Variants in PRTG observed in about 807,000 individuals in gnomAD.
PRTG encodes immunoglobulin superfamily, DCC subclass, member 5.
A neutral mutation model predicts 122.5 loss-of-function variants in PRTG; 67 were observed. That is an observed-to-expected ratio of 0.55 (90% CI 0.45 to 0.67). PRTG has a LOEUF of 0.67. Ranked by LOEUF, PRTG falls within the 30% of genes least tolerant of loss-of-function variation. The probability of loss-of-function intolerance (pLI) is 0.00; values close to 1 mark genes in which losing one functional copy is unlikely to be tolerated. For synonymous variants in PRTG, 554 were observed against 501.1 expected (o/e 1.11, Z -1.41); for missense variants, 1,435 against 1,415.4 (o/e 1.01, Z -0.22).
intron 15 of PRTG, among the ~76,000 whole-genome samples, chr15:55,634,116 G>A (rs2059243312): frequency 6.9e-6 from 1 of 144,898 alleles, no homozygotes; most frequent in Admixed American, 7.0e-5. Flanking sequence ...TGACCAGGCT[G>A]GAGTGCAATG....
At position 55,618,702 on chromosome 15, in the gene PRTG, G is replaced by A. The variant is rs1041172283; in HGVS notation, c.*1310C>T. 1 of 152,076 alleles carries A rather than the reference G, an allele frequency of 6.6e-6. No individual in the cohort carries two copies. The highest frequency in any genetic ancestry group is 6.6e-5 in the Admixed American group (1 of 15,264). The allele number at this position is 152,076 out of a possible 1,614,324, so 9.4% of individuals were successfully genotyped here. On this transcript the variant is annotated 3_prime_UTR_variant, in exon 20 of 20. Transcript: ENST00000389286. ...AACACAAGTAGGGTGGTAGAACTCT[G>A]AATATTTATCCCTAAACAAAACCTG...
intron 2 of PRTG, among the ~76,000 whole-genome samples, chr15:55,721,631 C>G (rs914669090): frequency 2.0e-5 from 3 of 152,140 alleles, no homozygotes; most frequent in African/African-American, 7.2e-5. Context: ...GGATCTCTCC[C>G]TGTATTACTC....
At chr15:55,693,912 G>C (rs977552447) in intron 2 of PRTG, among the ~76,000 whole-genome samples, 7 of 152,138 alleles carry the variant, frequency 4.6e-5, no homozygotes, top group African/African-American at 1.7e-4. Context: ...GGATGGCAGT[G>C]ATCCTCATAT....
chr15:55,679,758 T>A (rs2059526667), intron 6 of PRTG: 2 of 425,614 alleles, frequency 4.7e-6, no homozygotes, highest in South Asian at 8.8e-5. Flanking sequence ...ATCAAGAGAT[T>A]AAATTTTTAA....
At chr15:55,733,555 G>A (rs539491089) in intron 2 of PRTG, among the ~76,000 whole-genome samples, 72 of 149,490 alleles carry the variant, frequency 4.8e-4, no homozygotes, top group African/African-American at 1.5e-3. Context: ...GCCCAAGCAC[G>A]ATGGTTCATG....
chr15:55,725,851 A>C (rs1029447226), intron 2 of PRTG, among the ~76,000 whole-genome samples: 58 of 152,342 alleles, frequency 3.8e-4, no homozygotes, highest in African/African-American at 1.4e-3. Context: ...AGCTCACTGC[A>C]ACCTCTGCTT....
chr15:55,721,441 A>C (rs1290884821), intron 2 of PRTG, among the ~76,000 whole-genome samples: 1 of 152,192 alleles, frequency 6.6e-6, no homozygotes, highest in Non-Finnish European at 1.5e-5. Flanking sequence ...TCCTGTCTAC[A>C]TCTCCAATTC....
intron 11 of PRTG, among the ~76,000 whole-genome samples, chr15:55,658,328 T>G (rs1285088919): frequency 6.6e-6 from 1 of 152,042 alleles, no homozygotes; most frequent in Non-Finnish European, 1.5e-5. Context: ...TTTTTTTTTT[T>G]TTTTTGAGAT....
At chr15:55,660,226 T>G (rs2059402700) in intron 11 of PRTG, among the ~76,000 whole-genome samples, 1 of 152,144 alleles carries the variant, frequency 6.6e-6, no homozygotes, top group Non-Finnish European at 1.5e-5. Context: ...GCTTAAAATT[T>G]CATGTGCGTT....
chr15:55,619,833 A>T lies in PRTG; in HGVS notation c.*179T>A. On this transcript the variant is annotated 3_prime_UTR_variant, in exon 20 of 20. Transcript: ENST00000389286. ...TGTTCATTGTCCTTCGAACAGATTTAATGGTGAGAATACCTGAGCATGGCC... is the reference window on the plus strand; with the variant it reads ...TGTTCATTGTCCTTCGAACAGATTTTATGGTGAGAATACCTGAGCATGGCC... 1 of 1,009,366 alleles carries T rather than the reference A, an allele frequency of 9.9e-7. No individual in the cohort carries two copies. The highest frequency in any genetic ancestry group is 1.4e-6 in the Non-Finnish European group (1 of 705,696). 62.5% of individuals were successfully genotyped at this position (1,009,366 alleles called of 1,614,324 possible). A position where few individuals can be genotyped will look rare whatever the true frequency, so the allele number is the denominator to read the frequency against.
At position 55,722,285 on chromosome 15, in the gene PRTG, G is replaced by C. The variant is rs117488622; in HGVS notation, c.397+18097C>G. Among the ~76,000 whole-genome samples the C allele has an allele frequency of 2.6e-3, 395 of 152,284 alleles. 8 individuals carry two copies. The East Asian group carries it at 0.065, about 25-fold the overall frequency. On this transcript the variant is annotated intron_variant, in intron 2 of 19. Transcript: ENST00000389286. The stretch of plus-strand genomic sequence containing the variant: ...AACTTTATTGTTGCACAACTATACT[G>C]TTTTAATAATTATTTAGGTACTCCT...
chr15:55,709,701 A>C (rs1173090387), intron 2 of PRTG, among the ~76,000 whole-genome samples: 1 of 152,196 alleles, frequency 6.6e-6, no homozygotes, highest in African/African-American at 2.4e-5. Context: ...GCTACTTAAC[A>C]ACCAAAAATG....
At chr15:55,630,628 T>C (rs1352735044) in intron 15 of PRTG, among the ~76,000 whole-genome samples, 1 of 152,228 alleles carries the variant, frequency 6.6e-6, no homozygotes, top group Non-Finnish European at 1.5e-5. Context: ...CTCTGTTGCA[T>C]GACTGATAAG....
chr15:55,740,919 T>C (rs2031588421), intron 1 of PRTG, among the ~76,000 whole-genome samples: 1 of 152,252 alleles, frequency 6.6e-6, no homozygotes, highest in Non-Finnish European at 1.5e-5. Context: ...TTTCAATAAC[T>C]TCTATGCTTT....
At chr15:55,698,858 TG>T (rs1227065736) in intron 2 of PRTG, among the ~76,000 whole-genome samples, 1 of 137,528 alleles carries the variant, frequency 7.3e-6, no homozygotes, top group Non-Finnish European at 1.6e-5. Flanking sequence ...CAGAGAGGGA[TG>T]GGGAGAGGGG....
At chr15:55,688,788 C>T (rs1441475974) in intron 2 of PRTG, among the ~76,000 whole-genome samples, 2 of 152,156 alleles carry the variant, frequency 1.3e-5, no homozygotes, top group Non-Finnish European at 2.9e-5. Flanking sequence ...GAGCTGAGAT[C>T]GTGCCACTGC....
chr15:55,737,976 T>TTCTCTCCCTC (rs1555438556), intron 2 of PRTG, among the ~76,000 whole-genome samples: 1 of 91,810 alleles, frequency 1.1e-5, no homozygotes, highest in Non-Finnish European at 2.0e-5. Context: ...TTAATGCCTA[T>TTCTCTCCCTC]TCTCTCTCTC....
intron 12 of PRTG, among the ~76,000 whole-genome samples, chr15:55,640,287 G>A (rs1412002315): frequency 2.0e-5 from 3 of 152,202 alleles, no homozygotes; most frequent in Non-Finnish European, 4.4e-5. Flanking sequence ...AATGGTAACA[G>A]GTTGCTCTAT....
intron 2 of PRTG, among the ~76,000 whole-genome samples, chr15:55,691,131 C>T (rs1238110223): frequency 6.6e-6 from 1 of 152,052 alleles, no homozygotes; most frequent in Admixed American, 6.5e-5. Context: ...CCCATCTCTA[C>T]TAAAAATACA....
Sources: allele counts gnomAD v4.1 joint callset (sites outside exome capture counted in the v4.1 genomes callset), GRCh38; gene constraint gnomAD v4.1.1; transcripts MANE v1.5; gene names NCBI Gene and HGNC (gene_info 2026-07-23, HGNC 2026-07-21).